Variants in EFR3B observed in about 807,000 individuals in gnomAD.
The protein encoded by EFR3B is EFR3 homolog B.
Under a neutral mutation model 104.7 loss-of-function variants are expected in EFR3B, and 64 were observed. The observed-to-expected ratio is 0.61, with a 90% CI of 0.50 to 0.75. The LOEUF (loss-of-function observed/expected upper bound fraction) is 0.75, where lower values mean the gene tolerates loss of function less well. Among genes scored for constraint, EFR3B ranks in the 30% least tolerant of loss-of-function variants. The pLI, the probability that EFR3B is intolerant of heterozygous loss-of-function variation, is 0.00. For missense variants in EFR3B, 750 were observed against 1,078.5 expected, an observed-to-expected ratio of 0.70 and a Z score of 4.27; for synonymous variants, 385 against 417.9, an observed-to-expected ratio of 0.92 and a Z score of 0.96.
At chr2:25,118,804 G>A (rs1669937317) in intron 4 of EFR3B, among the ~76,000 whole-genome samples, 1 of 149,792 alleles carries the variant, frequency 6.7e-6, no homozygotes. Flanking sequence ...AATTTGGGAG[G>A]CCAAGGCGGG....
In EFR3B at chr2:25,128,157, G is replaced by A. The variant is rs534383638; in HGVS notation, c.486-26G>A. The A allele has an allele frequency of 5.5e-5, 85 of 1,551,384 alleles. No homozygotes were observed. The African/African-American group carries it at 1.1e-3, about 20-fold the overall frequency. ...CTTCTCAGGGCTAGAGGACTTCCGA[G>A]TCCCACTTCACCCTTTTCCTTACAG... On this transcript the variant is annotated intron_variant, in intron 5 of 22. Transcript: ENST00000403714.
chr2:25,043,674 G>A (rs912391487), intron 1 of EFR3B, among the ~76,000 whole-genome samples: 2 of 152,214 alleles, frequency 1.3e-5, no homozygotes, highest in Admixed American at 6.5e-5. Flanking sequence ...TGACCACTGG[G>A]GACTCTGGGG....
At chr2:25,046,331 T>C (rs1203325227) in intron 1 of EFR3B, among the ~76,000 whole-genome samples, 1 of 151,506 alleles carries the variant, frequency 6.6e-6, no homozygotes, top group Non-Finnish European at 1.5e-5. Context: ...GTTGCAGTGA[T>C]CAGAGATAGC....
intron 1 of EFR3B, among the ~76,000 whole-genome samples, chr2:25,047,559 C>T (rs1005277100): frequency 3.3e-5 from 5 of 152,020 alleles, no homozygotes; most frequent in Non-Finnish European, 5.9e-5. Flanking sequence ...AGTGCAGTGG[C>T]GTGGTCTTGA....
At chr2:25,115,422 T>G (rs1669831688) in intron 4 of EFR3B, among the ~76,000 whole-genome samples, 2 of 152,212 alleles carry the variant, frequency 1.3e-5, no homozygotes, top group South Asian at 4.1e-4. Context: ...ATTCACTTGC[T>G]CCCTTTAAGC....
rs1455506108 is a variant in EFR3B, at chr2:25,128,207, C to T, written c.510C>T (p.Gly170=). Residue 170 remains glycine (G), a synonymous_variant, in exon 6 of 23, where the codon GGC becomes GGT. Coordinates refer to ENST00000403714, the MANE Select transcript of EFR3B (RefSeq NM_014971.2). ...KTKIRMSGIK[G]LQGVVRKTVN... is the part of the protein sequence containing the mutation. ...GAATTCGAATGTCAGGCATCAAAGG[C>T]CTGCAAGGGGTGGTGAGGAAGACGG... 1.9e-6 allele frequency: 3 copies of T among 1,551,762 alleles called. No individual in the cohort carries two copies. Among genetic ancestry groups the T allele is most frequent in the Admixed American group, 3.9e-5 (2 of 51,002 alleles).
intron 1 of EFR3B, among the ~76,000 whole-genome samples, chr2:25,047,007 C>T (rs964799086): frequency 1.3e-5 from 2 of 152,204 alleles, no homozygotes; most frequent in African/African-American, 4.8e-5. Context: ...ACTCCAACTC[C>T]TTTATTCCCC....
At chr2:25,098,341 C>T (rs1669338823) in intron 3 of EFR3B, among the ~76,000 whole-genome samples, 1 of 152,146 alleles carries the variant, frequency 6.6e-6, no homozygotes, top group African/African-American at 2.4e-5. Flanking sequence ...AATCCCTGAC[C>T]CTGTATCTGC....
chr2:25,094,499 G>A (rs914691391), intron 3 of EFR3B, among the ~76,000 whole-genome samples: 4 of 152,110 alleles, frequency 2.6e-5, no homozygotes, highest in African/African-American at 4.8e-5. Context: ...TGCCACACAC[G>A]TGGGATGACA....
At chr2:25,135,096 A>T (rs559602966) in intron 12 of EFR3B, among the ~76,000 whole-genome samples, 9 of 152,152 alleles carry the variant, frequency 5.9e-5, no homozygotes, top group Admixed American at 2.0e-4. Flanking sequence ...TGTGATGGTC[A>T]TACTCTTAAT....
At chr2:25,074,530 A>G (rs1360421723) in intron 1 of EFR3B, among the ~76,000 whole-genome samples, 1 of 151,228 alleles carries the variant, frequency 6.6e-6, no homozygotes, top group Non-Finnish European at 1.5e-5. Flanking sequence ...GCGCCACTGC[A>G]CTCCAGTCTG....
intron 1 of EFR3B, chr2:25,079,906 T>C: frequency 7.3e-7 from 1 of 1,371,256 alleles, no homozygotes; most frequent in East Asian, 2.3e-5. Context: ...TCAGATCATA[T>C]TGGCAACTGA....
intron 1 of EFR3B, among the ~76,000 whole-genome samples, chr2:25,084,204 G>A (rs1293991224): frequency 6.6e-6 from 1 of 151,786 alleles, no homozygotes; most frequent in African/African-American, 2.4e-5. Context: ...TCTGAGACAG[G>A]TCTCAGTTAA....
intron 1 of EFR3B, among the ~76,000 whole-genome samples, chr2:25,084,500 A>G (rs1668896396): frequency 2.0e-5 from 3 of 151,952 alleles, no homozygotes; most frequent in African/African-American, 4.8e-5. Flanking sequence ...TGACCTCCCA[A>G]AGTGTTGGGA....
chr2:25,096,505 C>T (rs1297954960), intron 3 of EFR3B, among the ~76,000 whole-genome samples: 2 of 152,202 alleles, frequency 1.3e-5, no homozygotes, highest in African/African-American at 2.4e-5. Context: ...ACCCAAGCTG[C>T]GCTTTCCTAG....
intron 17 of EFR3B, among the ~76,000 whole-genome samples, chr2:25,142,241 G>T (rs1476861553): frequency 6.6e-6 from 1 of 152,032 alleles, no homozygotes; most frequent in Non-Finnish European, 1.5e-5. Context: ...TCAGAAGTTC[G>T]AGACCATCCT....
rs1670556306 is a variant in EFR3B, at chr2:25,137,705, G to A, written c.1722+203G>A. On this transcript the variant is annotated intron_variant, in intron 15 of 22. Coordinates refer to ENST00000403714, the MANE Select transcript of EFR3B (RefSeq NM_014971.2). This position sits in a 1 kb window ranked among gnomAD's most constrained non-coding sequence, Gnocchi z 4.7. ...AACCCCAAAGAATGCTTCATTCATG[G>A]TCTTGGCCCGTCCTTAAGCTAAAGA... 1.3e-5 allele frequency among the ~76,000 whole-genome samples: 2 copies of A among 152,186 alleles called. No individual in the cohort carries two copies. Among genetic ancestry groups the A allele is most frequent in the South Asian group, 4.1e-4 (2 of 4,828 alleles).
At chr2:25,128,080 A>G (rs1229854139) in intron 5 of EFR3B, 103 bp from the exon 6 acceptor site, 1 of 1,364,056 alleles carries the variant, frequency 7.3e-7, no homozygotes, top group African/African-American at 1.5e-5. Flanking sequence ...CTGATGGACA[A>G]ATGTATCCCT....
Position 25,130,252 on chromosome 2 carries a change from T to C in EFR3B, c.770+143T>C. On this transcript the variant is annotated intron_variant, in intron 7 of 22. Coordinates refer to ENST00000403714, the MANE Select transcript of EFR3B (RefSeq NM_014971.2). The surrounding 1 kb of genome is among the most constrained non-coding windows in gnomAD (Gnocchi z 4.6). ...AGTCGATCCCTTCCCTGTGCCTGTG[T>C]TCCCTGCACTGTGACAGCAAAAGCT... 7.6e-7 allele frequency: 1 copy of C among 1,312,354 alleles called. No homozygotes were observed. The allele number at this position is 1,312,354 out of a possible 1,614,324, so 81.3% of individuals were successfully genotyped here.
Sources: allele counts gnomAD v4.1 joint callset (sites outside exome capture counted in the v4.1 genomes callset), GRCh38; gene constraint gnomAD v4.1.1; non-coding constraint Gnocchi (gnomAD v3.1); transcripts MANE v1.5; gene names NCBI Gene and HGNC (gene_info 2026-07-23, HGNC 2026-07-21).